Variants in ANGPTL5 observed in about 807,000 individuals in gnomAD.
ANGPTL5 encodes angiopoietin like 5.
A neutral mutation model predicts 39.4 loss-of-function variants in ANGPTL5; 34 were observed. The ratio of observed to expected loss-of-function variants is 0.86; its 90% CI spans 0.66 to 1.15. The LOEUF (loss-of-function observed/expected upper bound fraction) is 1.15, where lower values mean the gene tolerates loss of function less well. ANGPTL5 is among the 50% of genes most tolerant of loss of function. The pLI, the probability that ANGPTL5 is intolerant of heterozygous loss-of-function variation, is 0.00. For missense variants in ANGPTL5, 467 were observed against 457.5 expected, an observed-to-expected ratio of 1.02 and a Z score of -0.19; for synonymous variants, 146 against 152.1, an observed-to-expected ratio of 0.96 and a Z score of 0.29.
At chr11:101,909,605 G>A (rs573187639) in intron 1 of ANGPTL5, among the ~76,000 whole-genome samples, 9 of 152,216 alleles carry the variant, frequency 5.9e-5, no homozygotes, top group Non-Finnish European at 7.4e-5. Flanking sequence ...TCAGCCAGAT[G>A]TTAAAATTCT....
At chr11:101,898,030 C>G (rs894675779) in intron 7 of ANGPTL5, among the ~76,000 whole-genome samples, 1 of 152,030 alleles carries the variant, frequency 6.6e-6, no homozygotes, top group Non-Finnish European at 1.5e-5. Flanking sequence ...TCAAGATCAG[C>G]CTGATCAACA....
Position 101,891,320 on chromosome 11 carries a change from A to C in ANGPTL5, c.1126T>G (p.Ser376Ala), listed in dbSNP as rs751706909. Reference protein sequence around the residue: ...NNSPVKIKSVSMKIRRMYNPY... With the variant: ...NNSPVKIKSVAMKIRRMYNPY... ...TTGTACATTCTTCTAATTTTCATTG[A>C]AACAGATTTAATCTTGACAGGTGAG... The change falls in exon 9 of 9, where the codon TCA becomes GCA. Residue 376 changes from serine to alanine, a missense_variant. Coordinates refer to ENST00000334289, the MANE Select transcript of ANGPTL5 (RefSeq NM_178127.5). 1 of 1,613,768 alleles carries C rather than the reference A, an allele frequency of 6.2e-7. No individual in the cohort carries two copies. Among genetic ancestry groups the C allele is most frequent in the Non-Finnish European group, 8.5e-7 (1 of 1,179,658 alleles).
rs530849011 is a variant in ANGPTL5 at position 101,902,913 on chromosome 11, A to G, written c.440-192T>C. On this transcript the variant is annotated intron_variant, in intron 5 of 8. Coordinates refer to ENST00000334289, the MANE Select transcript of ANGPTL5 (RefSeq NM_178127.5). ...AAGGGATTAAAGAATTTATGCTGCA[A>G]TAAGCCTTCACTTATAATGTCACTG... is the stretch of plus-strand genomic sequence containing the variant. Among the ~76,000 whole-genome samples the G allele has an allele frequency of 7.9e-5, 12 of 152,298 alleles. No individual in the cohort carries two copies. In the South Asian group the frequency reaches 2.3e-3, roughly 29 times the overall value.
At chr11:101,895,872 CA>C (rs2137051538) in intron 7 of ANGPTL5, among the ~76,000 whole-genome samples, 1 of 152,220 alleles carries the variant, frequency 6.6e-6, no homozygotes, top group South Asian at 2.1e-4. Flanking sequence ...AGGGTCCAGT[CA>C]AAACAAACTT....
chr11:101,908,008 A>G lies in ANGPTL5; in HGVS notation c.-92-7T>C. The G allele has an allele frequency of 1.1e-6, 1 of 874,898 alleles. No homozygotes were observed. Among genetic ancestry groups the G allele is most frequent in the South Asian group, 1.5e-5 (1 of 68,496 alleles). 54.2% of individuals were successfully genotyped at this position (874,898 alleles called of 1,614,324 possible). A position where few individuals can be genotyped will look rare whatever the true frequency, so the allele number is the denominator to read the frequency against. On this transcript the variant is annotated splice_polypyrimidine_tract_variant and splice_region_variant and intron_variant, in intron 1 of 8. Coordinates refer to ENST00000334289, the MANE Select transcript of ANGPTL5 (RefSeq NM_178127.5). The stretch of plus-strand genomic sequence containing the variant: ...AGTCTTCAGTTAAAAACCTCTGGAA[A>G]GCGTACAACAAAAACATAAGCCAAA...
At chr11:101,894,192 A>G (rs2137049943) in intron 8 of ANGPTL5, among the ~76,000 whole-genome samples, 1 of 152,314 alleles carries the variant, frequency 6.6e-6, no homozygotes, top group East Asian at 1.9e-4. Context: ...GAGCAGTTAA[A>G]GACCTGGGAA....
At chr11:101,901,099 G>A (rs960485620) in intron 6 of ANGPTL5, among the ~76,000 whole-genome samples, 3 of 146,156 alleles carry the variant, frequency 2.1e-5, no homozygotes, top group Non-Finnish European at 3.0e-5. Flanking sequence ...GGATGGTCTC[G>A]ATCTCCTGAC....
Position 101,891,491 on chromosome 11 carries a change from G to C in ANGPTL5, c.955C>G (p.Gln319Glu). ...AGGTGACTGCAGCTCTTCACAGACT[G>C]ACCATTGACCAGGCATGCAGGGCGA... ...GCRPACLVNG[Q>E]SVKSCSHLHN... The change falls in exon 9 of 9, where the codon CAG becomes GAG. Residue 319 changes from glutamine to glutamate, a missense_variant. Coordinates refer to ENST00000334289, the MANE Select transcript of ANGPTL5 (RefSeq NM_178127.5). The C allele has an allele frequency of 6.2e-7, 1 of 1,614,032 alleles. No individual in the cohort carries two copies. The highest frequency in any genetic ancestry group is 1.1e-5 in the South Asian group (1 of 91,078).
Position 101,916,104 on chromosome 11 carries a change from T to G in ANGPTL5, c.-178A>C, listed in dbSNP as rs1565346068. On this transcript the variant is annotated 5_prime_UTR_variant, in exon 1 of 9. Coordinates refer to ENST00000334289, the MANE Select transcript of ANGPTL5 (RefSeq NM_178127.5). Reference sequence around the variant, plus strand: ...AAAATCTGTAAATCAGGTTTATTCCTTTAGAGACTGTTGTGATGATTAGGA... The same window carrying G: ...AAAATCTGTAAATCAGGTTTATTCCGTTAGAGACTGTTGTGATGATTAGGA... 1 of 152,246 alleles carries G rather than the reference T, an allele frequency of 6.6e-6. No homozygotes were observed. Among genetic ancestry groups the G allele is most frequent in the Non-Finnish European group, 1.5e-5 (1 of 68,038 alleles). 9.4% of individuals were successfully genotyped at this position (152,246 alleles called of 1,614,324 possible). A position where few individuals can be genotyped will look rare whatever the true frequency, so the allele number is the denominator to read the frequency against.
chr11:101,905,674 G>T, intron 4 of ANGPTL5, 70 bp downstream of exon 4: 2 of 1,097,600 alleles, frequency 1.8e-6, no homozygotes, highest in Non-Finnish European at 2.7e-6. Flanking sequence ...TTTAAAAAAA[G>T]ATTATACCTC....
At chr11:101,915,523 C>A in intron 1 of ANGPTL5, 2 of 1,323,904 alleles carry the variant, frequency 1.5e-6, no homozygotes. Context: ...ACTAGCAAGT[C>A]ATCTTAGTGC....
At chr11:101,902,151 T>A (rs985683108) in intron 6 of ANGPTL5, among the ~76,000 whole-genome samples, 1 of 152,128 alleles carries the variant, frequency 6.6e-6, no homozygotes, top group African/African-American at 2.4e-5. Flanking sequence ...TAATTTCTCA[T>A]ACAATCACAT....
At position 101,914,695 on chromosome 11, in the gene ANGPTL5, C is replaced by T. The variant is rs181842531; in HGVS notation, c.-93+1324G>A. On this transcript the variant is annotated intron_variant, in intron 1 of 8. Coordinates refer to ENST00000334289, the MANE Select transcript of ANGPTL5 (RefSeq NM_178127.5). Reference sequence around the variant, plus strand: ...GGATTCAGTAGTTTAACAAATTCAACTCCAAATTGTCCCCCAGACAATCAC... The same window carrying T: ...GGATTCAGTAGTTTAACAAATTCAATTCCAAATTGTCCCCCAGACAATCAC... Among the ~76,000 whole-genome samples the T allele has an allele frequency of 5.5e-4, 84 of 152,328 alleles. No homozygotes were observed. The Middle Eastern group carries it at 0.01, about 19-fold the overall frequency.
intron 1 of ANGPTL5, chr11:101,915,204 G>T: frequency 5.7e-6 from 9 of 1,583,100 alleles, no homozygotes; most frequent in Non-Finnish European, 7.7e-6. Flanking sequence ...GTAGGGAGGG[G>T]CCGAGCAGGA....
At chr11:101,893,851 T>C (rs2137049657) in intron 8 of ANGPTL5, among the ~76,000 whole-genome samples, 1 of 152,302 alleles carries the variant, frequency 6.6e-6, no homozygotes, top group South Asian at 2.1e-4. Flanking sequence ...ATAATTTTCC[T>C]CCCTCTATGC....
intron 7 of ANGPTL5, among the ~76,000 whole-genome samples, chr11:101,897,135 T>C (rs1565338744): frequency 6.6e-6 from 1 of 152,256 alleles, no homozygotes; most frequent in Non-Finnish European, 1.5e-5. Context: ...CATATGTGGT[T>C]GGCCGCTTAA....
chr11:101,911,192 C>T (rs1447923653), intron 1 of ANGPTL5, among the ~76,000 whole-genome samples: 1 of 137,294 alleles, frequency 7.3e-6, no homozygotes, highest in East Asian at 2.2e-4. Flanking sequence ...TGCACAATCT[C>T]GGCTCACTGC....
rs1940010569 is a variant in ANGPTL5 at position 101,907,148 on chromosome 11, C to T, written c.196G>A (p.Asp66Asn). ...TCTCGTGTAATTTTAGTTTTAACAT[C>T]ACATGATTCCTCACAGTCTTCCTTA... ...VCKEDCEESCDVKTKITREEK... is the reference protein window; with the variant it reads ...VCKEDCEESCNVKTKITREEK... Residue 66 changes from aspartate (D) to asparagine (N), a missense_variant, in exon 3 of 9, where the codon GAT (aspartate) becomes AAT (asparagine). Transcript: ENST00000334289. 6.3e-7 allele frequency: 1 copy of T among 1,592,634 alleles called. No individual in the cohort carries two copies. The highest frequency in any genetic ancestry group is 1.7e-5 in the Admixed American group (1 of 59,174).
chr11:101,902,776 T>G lies in ANGPTL5; in HGVS notation c.440-55A>C, dbSNP rs139728696. 1.2e-3 allele frequency: 1,348 copies of G among 1,140,216 alleles called. 13 individuals carry two copies. The African/African-American group carries it at 0.018, about 15-fold the overall frequency. The allele number at this position is 1,140,216 out of a possible 1,614,324, so 70.6% of individuals were successfully genotyped here. ...ATTTTCAAATGTACATTTAAGGCAA[T>G]CATTTTACTATAGAGAATTGATAGT... On this transcript the variant is annotated intron_variant, in intron 5 of 8. Transcript: ENST00000334289.
Sources: gnomAD v4.1 joint callset for allele counts (sites outside exome capture counted in the v4.1 genomes callset) on GRCh38, gnomAD v4.1.1 for gene constraint, MANE v1.5 for transcripts, NCBI Gene and HGNC (gene_info 2026-07-23, HGNC 2026-07-21) for gene names.